The following LHFPL3 variants were observed in gnomAD, a reference collection of about 807,000 sequenced individuals.
LHFPL3 encodes LHFPL tetraspan subfamily member 3 protein.
LHFPL3 carries 5 observed loss-of-function variants against 19.3 expected under a neutral mutation model. That is an observed-to-expected ratio of 0.26 (90% CI 0.14 to 0.54). The LOEUF is 0.54. Among genes scored for constraint, LHFPL3 ranks in the 20% least tolerant of loss-of-function variants. The probability of loss-of-function intolerance (pLI) is 0.94; values close to 1 mark genes in which losing one functional copy is unlikely to be tolerated. For synonymous variants in LHFPL3, 133 were observed against 126.2 expected (o/e 1.05, Z -0.36); for missense variants, 249 against 307.4 (o/e 0.81, Z 1.42).
In LHFPL3 at chr7:104,518,796, A is replaced by T. The variant is rs1037204692; in HGVS notation, c.445+189572A>T. Among the ~76,000 whole-genome samples, 15 of 125,544 alleles carry T rather than the reference A, an allele frequency of 1.2e-4. No homozygotes were observed. In the East Asian group the frequency reaches 3.3e-3, roughly 28 times the overall value. 82.4% of individuals were successfully genotyped at this position (125,544 alleles called of 152,430 possible). ...GAGACTCCATCTCAAAAATAAATAG[A>T]TGATAGATAGATAGATAGATAGATA... On this transcript the variant is annotated intron_variant, in intron 1 of 2. Transcript: ENST00000424859.
At chr7:104,619,874 G>A (rs897417750) in intron 1 of LHFPL3, among the ~76,000 whole-genome samples, 6 of 152,040 alleles carry the variant, frequency 3.9e-5, no homozygotes, top group Non-Finnish European at 8.8e-5. Context: ...GCAGCAGGGG[G>A]CGGGAATGGT....
At position 104,881,851 on chromosome 7, in the gene LHFPL3, C is replaced by A. The variant is rs545542854; in HGVS notation, c.683-24336C>A. Among the ~76,000 whole-genome samples, 3 of 152,304 alleles carry A rather than the reference C, an allele frequency of 2.0e-5. No homozygotes were observed. In the South Asian group the frequency reaches 6.2e-4, roughly 32 times the overall value. ...CAGCCACCTCAGCCTTCAGCAGCCACCACCCTCATCAGTCAGCCGCCATCA... is the reference window on the plus strand; with the variant it reads ...CAGCCACCTCAGCCTTCAGCAGCCAACACCCTCATCAGTCAGCCGCCATCA... On this transcript the variant is annotated intron_variant, in intron 2 of 2. Transcript: ENST00000424859.
intron 2 of LHFPL3, chr7:104,785,090 A>G (rs1425430974): frequency 6.6e-6 from 1 of 152,212 alleles, no homozygotes; most frequent in Non-Finnish European, 1.5e-5. Context: ...TCATTCAAAA[A>G]TATTTCTTAA....
At chr7:104,401,640 A>T (rs12705209) in intron 1 of LHFPL3, among the ~76,000 whole-genome samples, 1 of 152,172 alleles carries the variant, frequency 6.6e-6, no homozygotes, top group South Asian at 2.1e-4. Flanking sequence ...CAGAAATTCA[A>T]TTTGAGAAAA....
At chr7:104,729,093 C>T (rs1212642547) in intron 1 of LHFPL3, among the ~76,000 whole-genome samples, 1 of 152,152 alleles carries the variant, frequency 6.6e-6, no homozygotes, top group East Asian at 1.9e-4. Context: ...TCCAGGATTT[C>T]TTAATTTCCA....
At chr7:104,557,917 G>A (rs1789883768) in intron 1 of LHFPL3, among the ~76,000 whole-genome samples, 1 of 150,628 alleles carries the variant, frequency 6.6e-6, no homozygotes, top group South Asian at 2.1e-4. Flanking sequence ...CTATGAATGA[G>A]AATATGCGGT....
intron 1 of LHFPL3, among the ~76,000 whole-genome samples, chr7:104,553,795 C>T (rs1384511723): frequency 5.3e-5 from 8 of 152,174 alleles, no homozygotes; most frequent in Non-Finnish European, 1.2e-4. Flanking sequence ...ACATTTCATG[C>T]TGAGAAGTAA....
intron 2 of LHFPL3, among the ~76,000 whole-genome samples, chr7:104,847,310 G>A (rs1791331030): frequency 6.6e-6 from 1 of 152,206 alleles, no homozygotes; most frequent in Non-Finnish European, 1.5e-5. Flanking sequence ...ACAAGGCCAG[G>A]GAAGTCTCTG....
At chr7:104,558,147 A>G (rs1329992144) in intron 1 of LHFPL3, among the ~76,000 whole-genome samples, 1 of 151,212 alleles carries the variant, frequency 6.6e-6, no homozygotes, top group Non-Finnish European at 1.5e-5. Flanking sequence ...ATACGTGTGC[A>G]TGTGTCTTTA....
intron 1 of LHFPL3, among the ~76,000 whole-genome samples, chr7:104,667,421 C>T (rs1463992915): frequency 1.3e-5 from 2 of 152,172 alleles, no homozygotes; most frequent in Admixed American, 6.5e-5. Context: ...GCTGTTACTT[C>T]GTAGATTTGA....
intron 1 of LHFPL3, among the ~76,000 whole-genome samples, chr7:104,348,977 T>C (rs1336244495): frequency 1.1e-5 from 1 of 93,804 alleles, no homozygotes; most frequent in Non-Finnish European, 1.9e-5. Flanking sequence ...CTACCACTCT[T>C]CTCCTTTTTT....
chr7:104,592,721 G>T (rs922199769), intron 1 of LHFPL3, among the ~76,000 whole-genome samples: 4 of 152,188 alleles, frequency 2.6e-5, no homozygotes, highest in Non-Finnish European at 5.9e-5. Flanking sequence ...ACAGAGGCAG[G>T]CCGGCCTCCT....
intron 1 of LHFPL3, among the ~76,000 whole-genome samples, chr7:104,445,173 G>A (rs988132654): frequency 6.6e-6 from 1 of 152,138 alleles, no homozygotes; most frequent in Non-Finnish European, 1.5e-5. Context: ...TGGTGGTCTT[G>A]TGTATGCAAT....
At chr7:104,592,796 A>T (rs2385242) in intron 1 of LHFPL3, among the ~76,000 whole-genome samples, 4 of 151,970 alleles carry the variant, frequency 2.6e-5, no homozygotes, top group South Asian at 4.1e-4. Flanking sequence ...CTCAAGCCTC[A>T]GCAATGGTGG....
intron 1 of LHFPL3, among the ~76,000 whole-genome samples, chr7:104,692,658 C>A (rs544838049): frequency 2.0e-5 from 3 of 152,228 alleles, no homozygotes. Flanking sequence ...AGCTTACACA[C>A]GGTGTTGGGC....
intron 1 of LHFPL3, among the ~76,000 whole-genome samples, chr7:104,730,430 C>A (rs145718460): frequency 6.6e-6 from 1 of 152,124 alleles, no homozygotes; most frequent in Non-Finnish European, 1.5e-5. Context: ...TTTTAAAGAT[C>A]GCCATTCTAA....
At chr7:104,871,112 T>C (rs907668653) in intron 2 of LHFPL3, among the ~76,000 whole-genome samples, 2 of 152,174 alleles carry the variant, frequency 1.3e-5, no homozygotes, top group Admixed American at 6.5e-5. Flanking sequence ...GAGAAATGCA[T>C]TGTTAGGAGA....
chr7:104,376,251 G>C (rs1297885715), intron 1 of LHFPL3, among the ~76,000 whole-genome samples: 1 of 152,338 alleles, frequency 6.6e-6, no homozygotes, highest in South Asian at 2.1e-4. Context: ...TGTCCTAGAT[G>C]CTGGGGAGTA....
At chr7:104,416,505 C>T (rs1222934482) in intron 1 of LHFPL3, among the ~76,000 whole-genome samples, 1 of 152,214 alleles carries the variant, frequency 6.6e-6, no homozygotes, top group African/African-American at 2.4e-5. Context: ...TCACCAACTC[C>T]CCTTTAAAGC....
Sources: gnomAD v4.1 joint callset for allele counts (sites outside exome capture counted in the v4.1 genomes callset) on GRCh38, gnomAD v4.1.1 for gene constraint, MANE v1.5 for transcripts, NCBI Gene and HGNC (gene_info 2026-07-23, HGNC 2026-07-21) for gene names.